XG: variants seen among roughly 807,000 people sequenced by gnomAD.
XG encodes Xg glycoprotein (Xg blood group).
In XG, 24 loss-of-function variants were observed where a neutral mutation model predicts 25.7. The ratio of observed to expected loss-of-function variants is 0.93; its 90% CI spans 0.68 to 1.31. The LOEUF (loss-of-function observed/expected upper bound fraction) is 1.31, where lower values mean the gene tolerates loss of function less well. Ranked by LOEUF, XG falls within the 40% of genes most tolerant of loss-of-function variation. The pLI, the probability that XG is intolerant of heterozygous loss-of-function variation, is 0.00. For synonymous variants in XG, 77 were observed against 69.2 expected (o/e 1.11, Z -0.56); for missense variants, 181 against 187.6 (o/e 0.96, Z 0.21).
chrX:2,769,997 C>T (rs751810845), intron 1 of XG, among the ~76,000 whole-genome samples: 1 of 147,114 alleles, frequency 6.8e-6, no homozygotes, highest in Admixed American at 7.0e-5. Context: ...CCCCTCTCAA[C>T]CTAGACTCTG....
At chrX:2,773,561 A>G (rs2050889519) in intron 2 of XG, among the ~76,000 whole-genome samples, 1 of 105,968 alleles carries the variant, frequency 9.4e-6, no homozygotes, top group South Asian at 3.7e-4. Flanking sequence ...GAAGGAAGGA[A>G]GGAGAGAAGG....
intron 7 of XG, among the ~76,000 whole-genome samples, chrX:2,801,751 C>T (rs1162041785): frequency 1.8e-5 from 2 of 110,898 alleles, no homozygotes; most frequent in East Asian, 2.8e-4. Flanking sequence ...CTCTGTCGCC[C>T]AGGCTGGAGT....
At chrX:2,797,007 C>T (rs752347332) in intron 6 of XG, among the ~76,000 whole-genome samples, 7 of 111,984 alleles carry the variant, frequency 6.3e-5, no homozygotes, top group African/African-American at 1.3e-4. Flanking sequence ...ATCAGTTTCT[C>T]GGCAGGAAGC....
At chrX:2,770,695 T>G in intron 2 of XG, 104 bp downstream of exon 2, 1 of 1,418,676 alleles carries the variant, frequency 7.0e-7, no homozygotes, top group Non-Finnish European at 1.0e-6. Context: ...GTTGGGAATT[T>G]CTTGGTCTTG....
chrX:2,811,892 G>T (rs2087061271), intron 10 of XG, among the ~76,000 whole-genome samples: 3 of 111,856 alleles, frequency 2.7e-5, no homozygotes, highest in Admixed American at 9.5e-5. Context: ...CACCGTGCCT[G>T]GCCAACAATT....
chrX:2,790,370 A>T (rs1415384138), intron 5 of XG, among the ~76,000 whole-genome samples: 85 of 110,187 alleles, frequency 7.7e-4, no homozygotes, highest in Middle Eastern at 4.6e-3. Context: ...GCGTGGTGGT[A>T]CATGCCTGTA....
chrX:2,762,466 T>C (rs1022765107), intron 1 of XG, among the ~76,000 whole-genome samples: 3 of 152,054 alleles, frequency 2.0e-5, no homozygotes, highest in African/African-American at 7.2e-5. Context: ...GGCGGCCTGC[T>C]CAGCTCTGGT....
At chrX:2,776,303 A>C (rs2050988771) in intron 3 of XG, among the ~76,000 whole-genome samples, 1 of 152,236 alleles carries the variant, frequency 6.6e-6, no homozygotes, top group African/African-American at 2.4e-5. Flanking sequence ...TAAAGTAGGC[A>C]AAAAGTTAAA....
intron 4 of XG, among the ~76,000 whole-genome samples, chrX:2,787,121 C>T (rs1309184163): frequency 1.9e-5 from 2 of 107,421 alleles, no homozygotes; most frequent in African/African-American, 6.8e-5. Flanking sequence ...CAGGAGGAAT[C>T]AGCCCAGCCC....
intron 6 of XG, among the ~76,000 whole-genome samples, chrX:2,795,369 A>C (rs1237260220): frequency 9.3e-6 from 1 of 107,419 alleles, no homozygotes; most frequent in Non-Finnish European, 1.9e-5. Context: ...TTACATATAT[A>C]ATTAAATATA....
At chrX:2,794,247 C>T (rs1335224337) in intron 5 of XG, among the ~76,000 whole-genome samples, 1 of 111,808 alleles carries the variant, frequency 8.9e-6, no homozygotes, top group African/African-American at 3.2e-5. Flanking sequence ...CTGAGCTTCA[C>T]CCCAGCTCAC....
At chrX:2,758,744 C>T (rs2050491855) in intron 1 of XG, among the ~76,000 whole-genome samples, 2 of 152,106 alleles carry the variant, frequency 1.3e-5, no homozygotes, top group Admixed American at 1.3e-4. Context: ...CACAGGACGC[C>T]CCACAGAAAA....
At chrX:2,758,114 C>T (rs1211782451) in intron 1 of XG, among the ~76,000 whole-genome samples, 1 of 152,046 alleles carries the variant, frequency 6.6e-6, no homozygotes, top group East Asian at 1.9e-4. Flanking sequence ...GACTTGCTTC[C>T]ATTCTGGTGC....
chrX:2,777,143 G>C (rs1336219539), intron 3 of XG, among the ~76,000 whole-genome samples: 1 of 152,122 alleles, frequency 6.6e-6, no homozygotes, highest in Non-Finnish European at 1.5e-5. Flanking sequence ...GCCAGCCAAA[G>C]ACATTGCAAA....
chrX:2,773,486 G>GGAAGGAGA (rs2050878316), intron 2 of XG, among the ~76,000 whole-genome samples: 1 of 127,656 alleles, frequency 7.8e-6, no homozygotes, highest in Non-Finnish European at 1.6e-5. Flanking sequence ...AGAGAGGGAA[G>GGAAGGAGA]GAAGGAAGGA....
At chrX:2,757,977 A>G (rs1314653035) in intron 1 of XG, among the ~76,000 whole-genome samples, 2 of 48,296 alleles carry the variant, frequency 4.1e-5, no homozygotes, top group Non-Finnish European at 8.7e-5. Context: ...ATCTCAAAAA[A>G]AAAAAAAAAA....
chrX:2,784,207 C>T lies in XG; in HGVS notation c.190+2079C>T, dbSNP rs768632896. Among the ~76,000 whole-genome samples, 4 of 111,571 alleles carry T rather than the reference C, an allele frequency of 3.6e-5. No individual in the cohort carries two copies. In the East Asian group the frequency reaches 8.5e-4, roughly 24 times the overall value. ...GCACTCATGGGAATTCCACAGGGAA[C>T]GTGTTTCTTGCTGAAACATACTTGG... On this transcript the variant is annotated intron_variant, in intron 4 of 10. Transcript: ENST00000644266.
chrX:2,814,164 A>G (rs1345374539), intron 10 of XG, among the ~76,000 whole-genome samples, 200 bp from the exon 11 acceptor site: 1 of 111,433 alleles, frequency 9.0e-6, no homozygotes, highest in Non-Finnish European at 1.9e-5. Flanking sequence ...TTAAAGTATG[A>G]TAGACAAACA....
chrX:2,787,127 A>T (rs748056164), intron 4 of XG, among the ~76,000 whole-genome samples: 11 of 106,292 alleles, frequency 1.0e-4, no homozygotes, highest in African/African-American at 3.1e-4. Flanking sequence ...GAATCAGCCC[A>T]GCCCACACCT....
Sources: gnomAD v4.1 joint callset for allele counts (sites outside exome capture counted in the v4.1 genomes callset) on GRCh38, gnomAD v4.1.1 for gene constraint, MANE v1.5 for transcripts, NCBI Gene and HGNC (gene_info 2026-07-23, HGNC 2026-07-21) for gene names.